Variants in ACOXL observed in about 807,000 individuals in gnomAD.
ACOXL encodes acyl-coenzyme A oxidase-like protein.
A neutral mutation model predicts 71.9 loss-of-function variants in ACOXL; 70 were observed. That is an observed-to-expected ratio of 0.97 (90% confidence interval 0.80 to 1.19). The LOEUF (loss-of-function observed/expected upper bound fraction) is 1.19. Among genes scored for constraint, ACOXL ranks in the 50% most tolerant of loss-of-function variants. ACOXL has a pLI of 0.00. For synonymous variants in ACOXL, 253 were observed against 281.6 expected, an observed-to-expected ratio of 0.90 and a Z score of 1.02; for missense variants, 703 against 736.3, an observed-to-expected ratio of 0.95 and a Z score of 0.52.
At chr2:111,098,345 GT>G (rs1170513648) in intron 17 of ACOXL, 1 of 152,132 alleles carries the variant, frequency 6.6e-6, no homozygotes, top group African/African-American at 2.4e-5. Flanking sequence ...ATCTCATAAT[GT>G]TTTTTAAAAA....
chr2:111,030,731 C>CA (rs77990030), intron 14 of ACOXL, among the ~76,000 whole-genome samples: 74,806 of 146,088 alleles, frequency 0.51, 18,481 homozygotes, highest in South Asian at 0.62. Flanking sequence ...TCCTTGAGCA[C>CA]AAAAAAAAAA....
At chr2:111,002,617 C>T (rs1297351131) in intron 14 of ACOXL, among the ~76,000 whole-genome samples, 1 of 152,152 alleles carries the variant, frequency 6.6e-6, no homozygotes, top group Non-Finnish European at 1.5e-5. Flanking sequence ...TGTACTTTTC[C>T]AGCATGGTAT....
intron 2 of ACOXL, among the ~76,000 whole-genome samples, chr2:110,772,597 C>T (rs965524052): frequency 8.5e-5 from 13 of 152,138 alleles, no homozygotes; most frequent in African/African-American, 2.4e-4. Context: ...AGATCCTACC[C>T]CTGACTCCTT....
At chr2:110,765,219 C>T (rs1249745744) in intron 1 of ACOXL, among the ~76,000 whole-genome samples, 1 of 152,082 alleles carries the variant, frequency 6.6e-6, no homozygotes, top group Non-Finnish European at 1.5e-5. Context: ...TTTTCCTCGG[C>T]CTTAATTTTA....
chr2:111,107,838 G>T (rs952874177), intron 17 of ACOXL, among the ~76,000 whole-genome samples: 1 of 152,218 alleles, frequency 6.6e-6, no homozygotes, highest in Non-Finnish European at 1.5e-5. Flanking sequence ...GGACTGGAGA[G>T]CTTTCTGAGT....
chr2:110,886,870 G>T (rs1697360389), intron 10 of ACOXL: 1 of 1,550,506 alleles, frequency 6.4e-7, no homozygotes, highest in Middle Eastern at 1.7e-4. Flanking sequence ...CTGAAAACTG[G>T]TTTTTGCTAA....
chr2:111,082,943 C>A (rs985125884), intron 16 of ACOXL, among the ~76,000 whole-genome samples: 23 of 151,990 alleles, frequency 1.5e-4, no homozygotes, highest in African/African-American at 5.6e-4. Flanking sequence ...AACAGAAAAC[C>A]AAACATCACA....
chr2:110,879,744 A>G (rs62159477), intron 10 of ACOXL, among the ~76,000 whole-genome samples: 2,739 of 152,258 alleles, frequency 0.018, 29 homozygotes, highest in South Asian at 0.044. Flanking sequence ...AGGGCAACTG[A>G]GGTTCCACCG....
At chr2:110,863,214 A>G (rs1398353414) in intron 10 of ACOXL, among the ~76,000 whole-genome samples, 2 of 152,244 alleles carry the variant, frequency 1.3e-5, no homozygotes, top group Non-Finnish European at 2.9e-5. Flanking sequence ...AGGCTTAGCT[A>G]CATTATGATG....
At chr2:110,964,112 A>G (rs1202916556) in intron 12 of ACOXL, among the ~76,000 whole-genome samples, 1 of 152,218 alleles carries the variant, frequency 6.6e-6, no homozygotes, top group Non-Finnish European at 1.5e-5. Context: ...TTCTCAATCC[A>G]ATCGGCTCAT....
chr2:110,794,362 A>G (rs1446822397), intron 5 of ACOXL, among the ~76,000 whole-genome samples, 188 bp downstream of exon 5: 1 of 152,244 alleles, frequency 6.6e-6, no homozygotes, highest in African/African-American at 2.4e-5. Context: ...TGTACCCAAC[A>G]TCAGCCAGCA....
rs112732315 is a variant in ACOXL, at chr2:110,745,232, C to G, written c.-23+12458C>G. 4.1e-4 allele frequency among the ~76,000 whole-genome samples: 62 copies of G among 152,288 alleles called. 1 individual carries two copies. The highest frequency in any genetic ancestry group is 1.4e-3 in the African/African-American group (58 of 41,550). Reference sequence around the variant, plus strand: ...CTGCTCTCTTCCTGTCCAGACAGGCCCTGTCCACCTCGTGGCCTTCAGAGC... The same window carrying G: ...CTGCTCTCTTCCTGTCCAGACAGGCGCTGTCCACCTCGTGGCCTTCAGAGC... On this transcript the variant is annotated intron_variant, in intron 1 of 17. Coordinates refer to ENST00000439055, the MANE Select transcript of ACOXL (RefSeq NM_001142807.4).
intron 3 of ACOXL, among the ~76,000 whole-genome samples, chr2:110,786,056 G>A (rs892286673): frequency 6.6e-5 from 10 of 152,284 alleles, no homozygotes; most frequent in Admixed American, 1.3e-4. Flanking sequence ...GCTCAGGTGG[G>A]CGTGTCTGCT....
At chr2:110,972,312 TAC>T (rs1248031689) in intron 12 of ACOXL, among the ~76,000 whole-genome samples, 1 of 152,180 alleles carries the variant, frequency 6.6e-6, no homozygotes, top group Non-Finnish European at 1.5e-5. Flanking sequence ...GGTCCAGTTT[TAC>T]AGTCTGCTAA....
intron 17 of ACOXL, chr2:111,099,207 A>G (rs2068979317): frequency 6.6e-6 from 1 of 152,278 alleles, no homozygotes; most frequent in Non-Finnish European, 1.5e-5. Flanking sequence ...GCAAGTGCCC[A>G]GTTGTTCAAC....
chr2:110,993,617 A>C (rs13382824), intron 13 of ACOXL, among the ~76,000 whole-genome samples: 1 of 152,146 alleles, frequency 6.6e-6, no homozygotes, highest in Admixed American at 6.5e-5. Flanking sequence ...TTTTGTGAGC[A>C]TATGTTTTTA....
intron 1 of ACOXL, among the ~76,000 whole-genome samples, chr2:110,748,678 T>C (rs1211925789): frequency 6.6e-6 from 1 of 151,792 alleles, no homozygotes; most frequent in Non-Finnish European, 1.5e-5. Flanking sequence ...CTCCTGGGAG[T>C]GGGGTGAATG....
intron 1 of ACOXL, among the ~76,000 whole-genome samples, chr2:110,734,191 G>C (rs1005905161): frequency 1.3e-5 from 2 of 151,752 alleles, no homozygotes; most frequent in African/African-American, 4.9e-5. Flanking sequence ...ATAAACATTT[G>C]AAAACTTTTC....
chr2:110,933,758 A>C (rs1184511274), intron 12 of ACOXL, 116 bp downstream of exon 12: 2 of 1,326,726 alleles, frequency 1.5e-6, no homozygotes. Flanking sequence ...CCAACTGCCC[A>C]TGACTCTGGG....
Sources: allele counts gnomAD v4.1 joint callset (sites outside exome capture counted in the v4.1 genomes callset), GRCh38; gene constraint gnomAD v4.1.1; transcripts MANE v1.5; gene names NCBI Gene and HGNC (gene_info 2026-07-23, HGNC 2026-07-21).